SLC4A4: variants seen among roughly 807,000 people sequenced by gnomAD.
The protein encoded by SLC4A4 is solute carrier family 4 member 4.
SLC4A4 carries 27 observed loss-of-function variants against 111.5 expected under a neutral mutation model. That is an observed-to-expected ratio of 0.24 (90% CI 0.18 to 0.33). The LOEUF (loss-of-function observed/expected upper bound fraction) is 0.33. Ranked by LOEUF, SLC4A4 falls within the 10% of genes least tolerant of loss-of-function variation. The pLI is 1.00. For synonymous variants in SLC4A4, 443 were observed against 463.4 expected, an observed-to-expected ratio of 0.96 and a Z score of 0.57; for missense variants, 909 against 1,315.5, an observed-to-expected ratio of 0.69 and a Z score of 4.78.
In SLC4A4 at chr4:71,447,641, A is replaced by G. The variant is rs541731821; in HGVS notation, c.966-5A>G. The G allele has an allele frequency of 2.5e-6, 4 of 1,594,326 alleles. No homozygotes were observed. In the South Asian group the frequency reaches 3.3e-5, roughly 13 times the overall value. On this transcript the variant is annotated splice_region_variant and splice_polypyrimidine_tract_variant and intron_variant, in intron 8 of 25. Transcript: ENST00000264485. ...ATAGCCTTTGCTTCTTTCCTTTTCC[A>G]TTAGGTTCTTGTTCATTCTCTTAGG... is the stretch of plus-strand genomic sequence containing the variant.
At chr4:71,134,768 AC>A (rs949783021) in intron 2 of SLC4A4, among the ~76,000 whole-genome samples, 1 of 152,224 alleles carries the variant, frequency 6.6e-6, no homozygotes, top group Non-Finnish European at 1.5e-5. Flanking sequence ...ACAAGGCTGT[AC>A]TAGTCCACAG....
intron 6 of SLC4A4, among the ~76,000 whole-genome samples, chr4:71,393,691 A>G (rs114476241): frequency 0.03 from 4,579 of 152,158 alleles, 186 homozygotes; most frequent in East Asian, 0.15. Context: ...GACCAAAAAA[A>G]AGCCTGCATA....
intron 3 of SLC4A4, among the ~76,000 whole-genome samples, chr4:71,269,334 T>C (rs142810007): frequency 6.6e-6 from 1 of 152,324 alleles, no homozygotes; most frequent in African/African-American, 2.4e-5. Flanking sequence ...AAATGGATGA[T>C]CGTAGCAGTA....
At chr4:71,089,696 A>G (rs1465210516) in intron 1 of SLC4A4, among the ~76,000 whole-genome samples, 1 of 151,922 alleles carries the variant, frequency 6.6e-6, no homozygotes, top group Non-Finnish European at 1.5e-5. Context: ...TCTGCAGCGG[A>G]GGCTGCAGAA....
chr4:71,545,175 G>A (rs1454014076), intron 18 of SLC4A4, among the ~76,000 whole-genome samples: 2 of 151,980 alleles, frequency 1.3e-5, no homozygotes, highest in African/African-American at 4.8e-5. Flanking sequence ...TGGACTAGGT[G>A]AATACATGCT....
intron 4 of SLC4A4, among the ~76,000 whole-genome samples, chr4:71,343,195 T>C (rs1729033783): frequency 6.6e-6 from 1 of 152,170 alleles, no homozygotes. Flanking sequence ...GACACAACTG[T>C]TCTGAATATA....
At chr4:71,530,548 A>C (rs1733827948) in intron 16 of SLC4A4, among the ~76,000 whole-genome samples, 3 of 152,076 alleles carry the variant, frequency 2.0e-5, no homozygotes, top group Admixed American at 2.0e-4. Flanking sequence ...AATTGATGTT[A>C]AGTTGCTCAT....
chr4:71,468,796 C>G (rs920517185), intron 13 of SLC4A4, among the ~76,000 whole-genome samples: 8 of 151,720 alleles, frequency 5.3e-5, no homozygotes, highest in Non-Finnish European at 8.8e-5. Flanking sequence ...ATATACCCCC[C>G]TCTTGGTAGT....
intron 6 of SLC4A4, among the ~76,000 whole-genome samples, chr4:71,381,213 T>C (rs892500167): frequency 6.6e-6 from 1 of 152,176 alleles, no homozygotes; most frequent in African/African-American, 2.4e-5. Flanking sequence ...AATGACAAGC[T>C]TTTCCATCTG....
chr4:71,079,988 G>A (rs1217367366), intron 1 of SLC4A4, among the ~76,000 whole-genome samples: 2 of 152,000 alleles, frequency 1.3e-5, no homozygotes, highest in Non-Finnish European at 2.9e-5. Flanking sequence ...TCCTGCCCGT[G>A]TGCTGCCAGC....
At chr4:71,141,786 C>G (rs1278860017) in intron 2 of SLC4A4, among the ~76,000 whole-genome samples, 1 of 152,142 alleles carries the variant, frequency 6.6e-6, no homozygotes, top group African/African-American at 2.4e-5. Flanking sequence ...ATGGATGAAT[C>G]AATTCATTGA....
intron 2 of SLC4A4, among the ~76,000 whole-genome samples, chr4:71,246,188 A>G (rs1205244398): frequency 6.6e-6 from 1 of 152,214 alleles, no homozygotes; most frequent in Non-Finnish European, 1.5e-5. Context: ...ATTTGGAATT[A>G]TTATAGATGT....
chr4:71,097,581 C>A (rs1160202459), intron 2 of SLC4A4, among the ~76,000 whole-genome samples: 1 of 152,080 alleles, frequency 6.6e-6, no homozygotes, highest in Non-Finnish European at 1.5e-5. Context: ...CTGTTTTTAG[C>A]TTTTTAAGGA....
intron 3 of SLC4A4, among the ~76,000 whole-genome samples, chr4:71,272,304 A>G (rs1722756979): frequency 6.6e-6 from 1 of 152,206 alleles, no homozygotes; most frequent in African/African-American, 2.4e-5. Context: ...GTTATTGAAT[A>G]TTAAGCACTT....
chr4:71,533,971 C>G (rs906782368), intron 17 of SLC4A4, among the ~76,000 whole-genome samples: 5 of 152,000 alleles, frequency 3.3e-5, no homozygotes, highest in Non-Finnish European at 7.4e-5. Flanking sequence ...TAAACCATCC[C>G]AAATATGCAA....
intron 1 of SLC4A4, among the ~76,000 whole-genome samples, chr4:71,088,760 C>G (rs1157415689): frequency 6.6e-6 from 1 of 152,050 alleles, no homozygotes; most frequent in Non-Finnish European, 1.5e-5. Context: ...TGTGAAGTTT[C>G]TGCCGAGAGA....
At chr4:71,513,991 A>C (rs1004324729) in intron 16 of SLC4A4, among the ~76,000 whole-genome samples, 2 of 152,100 alleles carry the variant, frequency 1.3e-5, no homozygotes, top group African/African-American at 4.8e-5. Context: ...ATCCCACTTA[A>C]TTGTGGTATA....
rs146559771 is a variant in SLC4A4, at chr4:71,516,244, C to T, written c.2167-15818C>T. On this transcript the variant is annotated intron_variant, in intron 16 of 25. Transcript: ENST00000264485. Reference sequence around the variant, plus strand: ...TCGAGTAGCTGGGACTATAGGCACCCGCCACCACGCCCGGCTAATTTTTTT... The same window carrying T: ...TCGAGTAGCTGGGACTATAGGCACCTGCCACCACGCCCGGCTAATTTTTTT... 8.8e-3 allele frequency among the ~76,000 whole-genome samples: 1,333 copies of T among 151,160 alleles called. 20 individuals carry two copies. Among genetic ancestry groups the T allele is most frequent in the African/African-American group, 0.029 (1,201 of 41,242 alleles).
At position 71,341,580 on chromosome 4, in the gene SLC4A4, A is replaced by G. The variant is rs73826250; in HGVS notation, c.389+2075A>G. 7.9e-3 allele frequency among the ~76,000 whole-genome samples: 1,202 copies of G among 152,260 alleles called. 17 individuals carry two copies. The highest frequency in any genetic ancestry group is 0.026 in the African/African-American group (1,063 of 41,560). On this transcript the variant is annotated intron_variant, in intron 4 of 25. Coordinates refer to ENST00000264485, the MANE Select transcript of SLC4A4 (RefSeq NM_001098484.3). ...AGGAATAATTTTTATTTTCTGAGGC[A>G]TACTTTAAAATTTCTTACATCATAC...
Sources: gnomAD v4.1 joint callset for allele counts (sites outside exome capture counted in the v4.1 genomes callset) on GRCh38, gnomAD v4.1.1 for gene constraint, MANE v1.5 for transcripts, NCBI Gene and HGNC (gene_info 2026-07-23, HGNC 2026-07-21) for gene names.